Variants in ARHGEF33 observed in about 807,000 individuals in gnomAD.
ARHGEF33 encodes Rho guanine nucleotide exchange factor 33.
In ARHGEF33, 72 loss-of-function variants were observed where a neutral mutation model predicts 101.9. The observed-to-expected ratio is 0.71, with a 90% CI of 0.58 to 0.86. The LOEUF (loss-of-function observed/expected upper bound fraction) is 0.86, where lower values mean the gene tolerates loss of function less well. Among genes scored for constraint, ARHGEF33 ranks in the 40% least tolerant of loss-of-function variants. The pLI is 0.00. For synonymous variants in ARHGEF33, 499 were observed against 442.5 expected, an observed-to-expected ratio of 1.13 and a Z score of -1.60; for missense variants, 1,169 against 1,111.3, an observed-to-expected ratio of 1.05 and a Z score of -0.74.
intron 6 of ARHGEF33, among the ~76,000 whole-genome samples, chr2:38,930,807 C>T (rs1312873960): frequency 6.6e-6 from 1 of 152,096 alleles, no homozygotes; most frequent in Non-Finnish European, 1.5e-5. Context: ...CAAATTGTCA[C>T]CACTGCAAAC....
rs1194505926 is a variant in ARHGEF33 at position 38,960,317 on chromosome 2, AC to A, written c.2015del (p.Pro672ArgfsTer34). 1.3e-6 allele frequency: 2 copies of A among 1,542,580 alleles called. No homozygotes were observed. Among genetic ancestry groups the A allele is most frequent in the African/African-American group, 2.7e-5 (2 of 72,754 alleles). On this transcript the variant is annotated frameshift_variant, in exon 16 of 18. Transcript: ENST00000409978. LOFTEE classifies it high-confidence loss of function. ...GCCATGGAGGCCGAGCGGCCGGAGCACCCGCTGCAGCCGCTGCCCAAGAGCG... is the reference window on the plus strand; with the variant it reads ...GCCATGGAGGCCGAGCGGCCGGAGCACCGCTGCAGCCGCTGCCCAAGAGCG... Reference protein sequence around the residue: ...SFAMEAERPEHPLQPLPKSAT... With the variant: ...SFAMEAERPEXPLQPLPKSAT...
chr2:38,965,239 A>G (rs975496478), intron 16 of ARHGEF33, among the ~76,000 whole-genome samples: 1 of 152,174 alleles, frequency 6.6e-6, no homozygotes, highest in Non-Finnish European at 1.5e-5. Flanking sequence ...CAAGGTAAAT[A>G]CTTTGTTCGT....
intron 10 of ARHGEF33, 89 bp downstream of exon 10, chr2:38,944,119 C>G: frequency 7.4e-7 from 1 of 1,343,190 alleles, no homozygotes; most frequent in East Asian, 2.6e-5. Flanking sequence ...TTTCTGGGGC[C>G]TATGAAGAGT....
intron 2 of ARHGEF33, among the ~76,000 whole-genome samples, chr2:38,897,263 G>T (rs1666142705): frequency 6.6e-6 from 1 of 152,146 alleles, no homozygotes; most frequent in Non-Finnish European, 1.5e-5. Context: ...GATATGGAAA[G>T]ATTTTCACAG....
Position 38,894,469 on chromosome 2 carries a change from TA to T in ARHGEF33, c.-158-1307del, listed in dbSNP as rs1572735615. ...TAGAGGCTTAAACAAGCTAGAAGTG[TA>T]TTTCTCTCTTACATTAAAAACAAAC... On this transcript the variant is annotated intron_variant, in intron 1 of 17. Coordinates refer to ENST00000409978, the MANE Select transcript of ARHGEF33 (RefSeq NM_001145451.5). Among the ~76,000 whole-genome samples, 4 of 149,458 alleles carry T rather than the reference TA, an allele frequency of 2.7e-5. No individual in the cohort carries two copies. In the East Asian group the frequency reaches 7.8e-4, roughly 29 times the overall value.
rs1430925824 is a variant in ARHGEF33 at position 38,957,772 on chromosome 2, C to T, written c.1371-262C>T. On this transcript the variant is annotated intron_variant, in intron 14 of 17. Coordinates refer to ENST00000409978, the MANE Select transcript of ARHGEF33 (RefSeq NM_001145451.5). ...CAGAAAAAGATGCTGTCTCCCAAGC[C>T]AGGGTTCCTGTTATGGAAGCTGTCT... is the stretch of plus-strand genomic sequence containing the variant. The T allele has an allele frequency of 2.2e-5, 9 of 406,978 alleles. No individual in the cohort carries two copies. The East Asian group carries it at 3.2e-4, about 15-fold the overall frequency. The allele number at this position is 406,978 out of a possible 1,614,324, so 25.2% of individuals were successfully genotyped here.
chr2:38,962,107 G>A (rs1326905820), intron 16 of ARHGEF33, among the ~76,000 whole-genome samples: 1 of 152,114 alleles, frequency 6.6e-6, no homozygotes, highest in Non-Finnish European at 1.5e-5. Flanking sequence ...AGGTTCCCTG[G>A]GGTTCTCAGA....
rs1476751911 is a variant in ARHGEF33, at chr2:38,960,488, C to A, written c.2183C>A (p.Thr728Lys). The change falls in exon 16 of 18, where the codon ACG (threonine) becomes AAG (lysine). Residue 728 changes from threonine to lysine, a missense_variant. Physicochemically the swap from Thr to Lys is moderately conservative, Grantham distance 78 (BLOSUM62 -1). Coordinates refer to ENST00000409978, the MANE Select transcript of ARHGEF33 (RefSeq NM_001145451.5). ...ADGVAPRLYS[T>K]RSSSGGRAPI... ...GGCGTGGCCCCACGCCTCTACAGCA[C>A]GCGCAGCAGCAGCGGCGGCCGCGCG... is the stretch of plus-strand genomic sequence containing the variant. 1 of 1,398,494 alleles carries A rather than the reference C, an allele frequency of 7.2e-7. No homozygotes were observed. Among genetic ancestry groups the A allele is most frequent in the South Asian group, 1.5e-5 (1 of 64,912 alleles). The allele number at this position is 1,398,494 out of a possible 1,614,324, so 86.6% of individuals were successfully genotyped here. A position where few individuals can be genotyped will look rare whatever the true frequency, so the allele number is the denominator to read the frequency against.
intron 15 of ARHGEF33, 145 bp from the exon 16 acceptor site, chr2:38,959,696 G>A: frequency 2.3e-6 from 2 of 877,276 alleles, no homozygotes; most frequent in Non-Finnish European, 3.4e-6. Context: ...GGGTTCGTGG[G>A]AGCGCCTTAG....
rs1314879672 is a variant in ARHGEF33 at position 38,946,979 on chromosome 2, T to G, written c.920+2949T>G. On this transcript the variant is annotated intron_variant, in intron 10 of 17. Transcript: ENST00000409978. ...AAGGAAATACAAAGCAGAATGAAAT[T>G]GTTCCTTTTCTCTATCGGCATTTTT... Among the ~76,000 whole-genome samples the G allele has an allele frequency of 2.6e-5, 4 of 152,296 alleles. 1 individual carries two copies. In the East Asian group the frequency reaches 7.7e-4, roughly 29 times the overall value.
chr2:38,945,247 T>G (rs1355252156), intron 10 of ARHGEF33, among the ~76,000 whole-genome samples: 1 of 152,200 alleles, frequency 6.6e-6, no homozygotes, highest in African/African-American at 2.4e-5. Context: ...TTCTTGCTCC[T>G]TACCATCCCC....
chr2:38,895,962 A>ATT (rs965714110), intron 2 of ARHGEF33, 113 bp downstream of exon 2: 1 of 152,206 alleles, frequency 6.6e-6, no homozygotes, highest in Non-Finnish European at 1.5e-5. Context: ...TCTTTGTAGA[A>ATT]TTTTATAACC....
chr2:38,935,375 T>A (rs28567731), intron 7 of ARHGEF33, among the ~76,000 whole-genome samples: 2 of 114,288 alleles, frequency 1.7e-5, no homozygotes, highest in African/African-American at 6.6e-5. Flanking sequence ...GGGGAGGGGG[T>A]GGGGGGTAGA....
At chr2:38,907,185 G>T (rs1433862321) in intron 2 of ARHGEF33, among the ~76,000 whole-genome samples, 2 of 152,108 alleles carry the variant, frequency 1.3e-5, no homozygotes, top group African/African-American at 2.4e-5. Flanking sequence ...AGTACCCAGG[G>T]ACCATCGCTG....
chr2:38,915,968 T>C (rs774438356), intron 2 of ARHGEF33, among the ~76,000 whole-genome samples: 9 of 152,082 alleles, frequency 5.9e-5, no homozygotes, highest in Non-Finnish European at 1.0e-4. Context: ...CGAGGTTACA[T>C]TGAGCTATGA....
intron 2 of ARHGEF33, among the ~76,000 whole-genome samples, chr2:38,905,268 T>C (rs1666364868): frequency 6.6e-6 from 1 of 151,758 alleles, no homozygotes; most frequent in Admixed American, 6.6e-5. Context: ...AAAATACTAG[T>C]GATTGAGAAA....
At chr2:38,938,695 C>G (rs1572760447) in intron 9 of ARHGEF33, among the ~76,000 whole-genome samples, 1 of 152,262 alleles carries the variant, frequency 6.6e-6, no homozygotes, top group East Asian at 1.9e-4. Context: ...TACAATATTT[C>G]TGTGCATGAA....
intron 13 of ARHGEF33, 31 bp from the exon 14 acceptor site, chr2:38,956,868 G>T: frequency 6.5e-7 from 1 of 1,549,760 alleles, no homozygotes; most frequent in Non-Finnish European, 8.7e-7. Flanking sequence ...TGCTGATTAT[G>T]CAATGCTACT....
intron 10 of ARHGEF33, 115 bp from the exon 11 acceptor site, chr2:38,950,874 T>C: frequency 1.0e-6 from 1 of 958,238 alleles, no homozygotes; most frequent in Non-Finnish European, 1.5e-6. Context: ...AATGCAGGCC[T>C]GTGACTCACA....
Sources: gnomAD v4.1 joint callset for allele counts (sites outside exome capture counted in the v4.1 genomes callset) on GRCh38, gnomAD v4.1.1 for gene constraint, MANE v1.5 for transcripts, NCBI Gene and HGNC (gene_info 2026-07-23, HGNC 2026-07-21) for gene names.